SGSM1: variants seen among roughly 807,000 people sequenced by gnomAD.
SGSM1 encodes small G protein signaling modulator 1, also known as RUN and TBC1 domain containing 2.
A neutral mutation model predicts 133.8 loss-of-function variants in SGSM1; 73 were observed. That is an observed-to-expected ratio of 0.55 (90% CI 0.45 to 0.66). SGSM1 has a LOEUF of 0.66. Among genes scored for constraint, SGSM1 ranks in the 30% least tolerant of loss-of-function variants. The probability of loss-of-function intolerance (pLI) is 0.00; values close to 1 mark genes in which losing one functional copy is unlikely to be tolerated. For synonymous variants in SGSM1, 563 were observed against 573.0 expected, an observed-to-expected ratio of 0.98 and a Z score of 0.25; for missense variants, 1,213 against 1,448.1, an observed-to-expected ratio of 0.84 and a Z score of 2.64.
chr22:24,890,795 G>A (rs1932802202), intron 16 of SGSM1, among the ~76,000 whole-genome samples: 1 of 152,138 alleles, frequency 6.6e-6, no homozygotes, highest in African/African-American at 2.4e-5. Flanking sequence ...GCCCGCCTCG[G>A]ACTCCCAAAG....
At chr22:24,835,119 A>G (rs1929353208) in intron 2 of SGSM1, among the ~76,000 whole-genome samples, 1 of 152,016 alleles carries the variant, frequency 6.6e-6, no homozygotes, top group African/African-American at 2.4e-5. Flanking sequence ...CCCCCTGCAA[A>G]GTTAATTTTG....
chr22:24,856,563 T>C (rs1930801161), intron 8 of SGSM1, among the ~76,000 whole-genome samples: 2 of 152,238 alleles, frequency 1.3e-5, no homozygotes, highest in South Asian at 2.1e-4. Flanking sequence ...TTTGGTTGCA[T>C]GGTCATTGTG....
intron 2 of SGSM1, among the ~76,000 whole-genome samples, chr22:24,806,893 C>T (rs1259514381): frequency 6.6e-6 from 1 of 151,970 alleles, no homozygotes; most frequent in African/African-American, 2.4e-5. Flanking sequence ...ATGGGGCTGC[C>T]GAAGGTGGGG....
At chr22:24,865,360 G>A (rs1460778705) in intron 9 of SGSM1, among the ~76,000 whole-genome samples, 1 of 152,214 alleles carries the variant, frequency 6.6e-6, no homozygotes, top group African/African-American at 2.4e-5. Context: ...TATGGGAGGG[G>A]CTCAACAGAG....
At chr22:24,914,479 C>A (rs1271034424) in intron 22 of SGSM1, among the ~76,000 whole-genome samples, 2 of 151,328 alleles carry the variant, frequency 1.3e-5, no homozygotes, top group African/African-American at 2.4e-5. Context: ...CTGTCCCCCC[C>A]CCCAAAAAAA....
chr22:24,820,782 G>C (rs527250431), intron 2 of SGSM1, among the ~76,000 whole-genome samples: 1 of 152,308 alleles, frequency 6.6e-6, no homozygotes, highest in East Asian at 1.9e-4. Flanking sequence ...ACTCTGTGCT[G>C]GGCATGGCGG....
At chr22:24,826,396 C>G (rs891547556) in intron 2 of SGSM1, among the ~76,000 whole-genome samples, 2 of 152,240 alleles carry the variant, frequency 1.3e-5, no homozygotes, top group African/African-American at 4.8e-5. Context: ...AAAAAGTTTT[C>G]TGATCCCAGC....
intron 21 of SGSM1, among the ~76,000 whole-genome samples, chr22:24,906,476 G>A (rs556435088): frequency 9.2e-5 from 14 of 152,316 alleles, no homozygotes; most frequent in African/African-American, 2.4e-4. Flanking sequence ...GTGATTTTGC[G>A]TATAGAAGAT....
At chr22:24,833,545 C>T (rs569100520) in intron 2 of SGSM1, among the ~76,000 whole-genome samples, 195 of 152,044 alleles carry the variant, frequency 1.3e-3, no homozygotes, top group South Asian at 3.1e-3. Context: ...GTAGTCCCAG[C>T]TACTTGGGAG....
intron 13 of SGSM1, among the ~76,000 whole-genome samples, chr22:24,877,935 C>T (rs1466554288): frequency 1.3e-5 from 2 of 151,274 alleles, no homozygotes; most frequent in Non-Finnish European, 2.9e-5. Context: ...CTCAGCCTCC[C>T]GAGTAGCTGG....
chr22:24,866,756 G>A (rs999017039), intron 9 of SGSM1, among the ~76,000 whole-genome samples: 4 of 152,184 alleles, frequency 2.6e-5, no homozygotes, highest in African/African-American at 9.7e-5. Context: ...AGAGTCAGGA[G>A]TCAGTCCTGC....
intron 9 of SGSM1, among the ~76,000 whole-genome samples, chr22:24,863,423 C>T (rs928443395): frequency 6.6e-6 from 1 of 152,130 alleles, no homozygotes; most frequent in African/African-American, 2.4e-5. Context: ...TCCCAAAGTG[C>T]TGGGATTACA....
intron 2 of SGSM1, among the ~76,000 whole-genome samples, chr22:24,829,113 G>A (rs983873223): frequency 1.3e-5 from 2 of 151,960 alleles, no homozygotes; most frequent in Admixed American, 6.6e-5. Context: ...GGAGAATGGC[G>A]TGAACCCGGG....
At chr22:24,913,526 T>G (rs1569177648) in intron 22 of SGSM1, among the ~76,000 whole-genome samples, 2 of 152,180 alleles carry the variant, frequency 1.3e-5, no homozygotes, top group Non-Finnish European at 2.9e-5. Context: ...ACCCTTTGAT[T>G]AGAAGGAATG....
intron 22 of SGSM1, among the ~76,000 whole-genome samples, chr22:24,914,726 A>G (rs900779343): frequency 1.3e-5 from 2 of 152,140 alleles, no homozygotes; most frequent in East Asian, 1.9e-4. Flanking sequence ...GCTCGTCTTT[A>G]TACTCAGTAA....
At chr22:24,893,741 C>G in intron 17 of SGSM1, 128 bp downstream of exon 17, 1 of 1,055,382 alleles carries the variant, frequency 9.5e-7, no homozygotes, top group East Asian at 3.0e-5. Flanking sequence ...CTGGCTTTTT[C>G]TTTAAGAGTG....
At chr22:24,920,087 T>G (rs1322322562) in intron 24 of SGSM1, 94 bp downstream of exon 24, 7 of 1,337,278 alleles carry the variant, frequency 5.2e-6, no homozygotes, top group African/African-American at 1.5e-5. Context: ...CTGAGATGGA[T>G]GCATGGTGAA....
At chr22:24,923,810 C>G (rs1934096051) in intron 24 of SGSM1, among the ~76,000 whole-genome samples, 1 of 152,022 alleles carries the variant, frequency 6.6e-6, no homozygotes, top group South Asian at 2.1e-4. Context: ...TTAGTAGAGA[C>G]AGGGTTTCTC....
chr22:24,847,502 C>A, intron 3 of SGSM1, 132 bp from the exon 4 acceptor site: 1 of 1,159,696 alleles, frequency 8.6e-7, no homozygotes, highest in Non-Finnish European at 1.2e-6. Flanking sequence ...CTCCCTGTCT[C>A]TGGGGTAAGA....
Sources: allele counts gnomAD v4.1 joint callset (sites outside exome capture counted in the v4.1 genomes callset), GRCh38; gene constraint gnomAD v4.1.1; transcripts MANE v1.5; gene names NCBI Gene and HGNC (gene_info 2026-07-23, HGNC 2026-07-21).